MTR: variants seen among roughly 807,000 people sequenced by gnomAD.
MTR encodes the protein 5-methyltetrahydrofolate-homocysteine methyltransferase.
A neutral mutation model predicts 154.8 loss-of-function variants in MTR; 84 were observed. That is an observed-to-expected ratio of 0.54 (90% CI 0.45 to 0.65). MTR has a LOEUF of 0.65. Ranked by LOEUF, MTR falls within the 30% of genes least tolerant of loss-of-function variation. The pLI, the probability that MTR is intolerant of heterozygous loss-of-function variation, is 0.00. For synonymous variants in MTR, 554 were observed against 553.9 expected, an observed-to-expected ratio of 1.00 and a Z score of 0.00; for missense variants, 1,275 against 1,570.2, an observed-to-expected ratio of 0.81 and a Z score of 3.18.
At chr1:236,865,506 C>T (rs931285327) in intron 22 of MTR, among the ~76,000 whole-genome samples, 7 of 152,232 alleles carry the variant, frequency 4.6e-5, no homozygotes, top group Non-Finnish European at 1.0e-4. Context: ...TATCCTGTAT[C>T]TAATCCTTTT....
chr1:236,811,949 T>C (rs1661329656), intron 5 of MTR, among the ~76,000 whole-genome samples: 1 of 152,240 alleles, frequency 6.6e-6, no homozygotes, highest in African/African-American at 2.4e-5. Context: ...AGCATTATCT[T>C]GGCTTACTGC....
At chr1:236,844,029 A>G (rs1301850746) in intron 15 of MTR, among the ~76,000 whole-genome samples, 1 of 152,196 alleles carries the variant, frequency 6.6e-6, no homozygotes, top group African/African-American at 2.4e-5. Flanking sequence ...ATGACTGTAG[A>G]GAAGTCCTAG....
In MTR at chr1:236,795,422, G is replaced by C. The variant is rs754512965; in HGVS notation, c.-282G>C. The C allele has an allele frequency of 1.4e-6, 2 of 1,468,756 alleles. No individual in the cohort carries two copies. The highest frequency in any genetic ancestry group is 2.4e-5 in the South Asian group (2 of 82,596). The allele number at this position is 1,468,756 out of a possible 1,614,324, so 91.0% of individuals were successfully genotyped here. On this transcript the variant is annotated 5_prime_UTR_variant, in exon 1 of 33. Transcript: ENST00000366577. ...CCCGCGACTCCGCCTCTGGCCGCGC[G>C]TGTCTGGCTGCTAGGCCGACACCAA... is the stretch of plus-strand genomic sequence containing the variant.
At chr1:236,803,931 A>G (rs2103015129) in intron 2 of MTR, among the ~76,000 whole-genome samples, 1 of 152,346 alleles carries the variant, frequency 6.6e-6, no homozygotes, top group East Asian at 1.9e-4. Context: ...TGAGAAAACT[A>G]TCTTATTTAA....
At chr1:236,806,330 G>A (rs1291878421) in intron 3 of MTR, 97 bp downstream of exon 3, 1 of 940,248 alleles carries the variant, frequency 1.1e-6, no homozygotes, top group Admixed American at 1.8e-5. Flanking sequence ...GCAGAGTCAA[G>A]CTAATGCCTA....
Position 236,795,531 on chromosome 1 carries a change from G to C in MTR, c.-173G>C, listed in dbSNP as rs3738548. The stretch of plus-strand genomic sequence containing the variant: ...CGAGAGAGGCCCTAGGGCGCTGCGG[G>C]CTTTCGGGGTCCGCAGTCCCCCCGC... On this transcript the variant is annotated 5_prime_UTR_variant, in exon 1 of 33. Coordinates refer to ENST00000366577, the MANE Select transcript of MTR (RefSeq NM_000254.3). 8 of 1,530,538 alleles carry C rather than the reference G, an allele frequency of 5.2e-6. No individual in the cohort carries two copies. The highest frequency in any genetic ancestry group is 1.7e-4 in the Middle Eastern group (1 of 5,940). 94.8% of individuals were successfully genotyped at this position (1,530,538 alleles called of 1,614,324 possible). A position where few individuals can be genotyped will look rare whatever the true frequency, so the allele number is the denominator to read the frequency against.
chr1:236,886,466 C>T, intron 27 of MTR, 99 bp downstream of exon 27: 1 of 1,063,602 alleles, frequency 9.4e-7, no homozygotes, highest in Non-Finnish European at 1.4e-6. Flanking sequence ...AAACCAGCAG[C>T]TAACGACTCT....
At chr1:236,870,283 G>A (rs1195727980) in intron 22 of MTR, among the ~76,000 whole-genome samples, 1 of 152,180 alleles carries the variant, frequency 6.6e-6, no homozygotes, top group Non-Finnish European at 1.5e-5. Context: ...CAGGCCTCTG[G>A]CTCAGTGTTC....
At chr1:236,812,876 G>T (rs1188894312) in intron 6 of MTR, 32 bp downstream of exon 6, 2 of 1,568,124 alleles carry the variant, frequency 1.3e-6, no homozygotes, top group Non-Finnish European at 1.8e-6. Flanking sequence ...AGACAAGGCT[G>T]GGGTAAGGGC....
In MTR at chr1:236,832,883, C is replaced by T. The variant is rs193159189; in HGVS notation, c.1188+805C>T. On this transcript the variant is annotated intron_variant, in intron 13 of 32. Coordinates refer to ENST00000366577, the MANE Select transcript of MTR (RefSeq NM_000254.3). ...TGGAGGCGTGTCTTCCTTCCCAGTCCCTCAGCTGACACATTAGCAGGGCCT... is the reference window on the plus strand; with the variant it reads ...TGGAGGCGTGTCTTCCTTCCCAGTCTCTCAGCTGACACATTAGCAGGGCCT... 1.0e-3 allele frequency among the ~76,000 whole-genome samples: 155 copies of T among 152,260 alleles called. 1 individual carries two copies. The highest frequency in any genetic ancestry group is 3.2e-3 in the African/African-American group (135 of 41,556).
intron 11 of MTR, among the ~76,000 whole-genome samples, chr1:236,828,908 C>A (rs971126417): frequency 6.6e-6 from 1 of 151,946 alleles, no homozygotes; most frequent in African/African-American, 2.4e-5. Flanking sequence ...TGCAAACTGT[C>A]ATATAGCTCC....
At chr1:236,858,152 C>T (rs954284052) in intron 18 of MTR, among the ~76,000 whole-genome samples, 3 of 152,026 alleles carry the variant, frequency 2.0e-5, no homozygotes, top group Non-Finnish European at 4.4e-5. Context: ...AAGACATACC[C>T]GAGACTGGGT....
rs764288740 is a variant in MTR at position 236,850,511 on chromosome 1, A to G, written c.1683A>G (p.Thr561=). The G allele has an allele frequency of 1.2e-6, 2 of 1,613,650 alleles. No homozygotes were observed. The highest frequency in any genetic ancestry group is 3.3e-5 in the Admixed American group (2 of 60,004). Residue 561 remains threonine, a synonymous_variant, in exon 16 of 33, where the codon ACA becomes ACG. Transcript: ENST00000366577. ...ATGCCATTAATTTTATCCATGCAACAAAAGTCATTAAAGTAAGTGTAGGCA... is the reference window on the plus strand; with the variant it reads ...ATGCCATTAATTTTATCCATGCAACGAAAGTCATTAAAGTAAGTGTAGGCA... ...NLYAINFIHA[T]KVIKETLPGA...
At chr1:236,884,820 C>T (rs1162348826) in intron 25 of MTR, among the ~76,000 whole-genome samples, 1 of 152,110 alleles carries the variant, frequency 6.6e-6, no homozygotes. Context: ...AACGATGTGA[C>T]GTGGCCCAGG....
intron 13 of MTR, among the ~76,000 whole-genome samples, chr1:236,834,219 AC>A (rs1454060947): frequency 1.3e-5 from 2 of 152,160 alleles, no homozygotes; most frequent in Non-Finnish European, 2.9e-5. Flanking sequence ...TTGCTCTGTC[AC>A]CCAGGCTGGA....
intron 27 of MTR, among the ~76,000 whole-genome samples, chr1:236,887,696 C>G (rs1558340751): frequency 6.6e-6 from 1 of 152,352 alleles, no homozygotes; most frequent in East Asian, 1.9e-4. Context: ...GCCCTGCTGC[C>G]CCAGGGCCAT....
Position 236,895,467 on chromosome 1 carries a change from G to T in MTR, c.3515G>T (p.Arg1172Leu). 1 of 1,597,908 alleles carries T rather than the reference G, an allele frequency of 6.3e-7. No individual in the cohort carries two copies. Among genetic ancestry groups the T allele is most frequent in the Non-Finnish European group, 8.5e-7 (1 of 1,171,828 alleles). ...DLRRLRYKGI[R>L]PAPGYPSQPD... The stretch of plus-strand genomic sequence containing the variant: ...CGCAGGCTGCGGTACAAGGGCATCC[G>T]CCCGGCTCCTGGCTACCCCAGCCAG... The change falls in exon 31 of 33, where the codon CGC (arginine) becomes CTC (leucine). Residue 1172 changes from arginine to leucine, a missense_variant. Physicochemically the swap from Arg to Leu is moderately radical, Grantham distance 102. Transcript: ENST00000366577.
rs533162678 is a variant in MTR at position 236,862,763 on chromosome 1, T to C, written c.2304+420T>C. On this transcript the variant is annotated intron_variant, in intron 21 of 32. Transcript: ENST00000366577. ...CTGAATAGTCTTTCTGCTGGTGATG[T>C]CCTTGGCACCACTTCTGGATTCAAT... Among the ~76,000 whole-genome samples, 7 of 152,314 alleles carry C rather than the reference T, an allele frequency of 4.6e-5. No individual in the cohort carries two copies. The South Asian group carries it at 1.0e-3, about 23-fold the overall frequency.
At chr1:236,877,896 C>T (rs1665518842) in intron 24 of MTR, among the ~76,000 whole-genome samples, 1 of 152,192 alleles carries the variant, frequency 6.6e-6, no homozygotes, top group Non-Finnish European at 1.5e-5. Context: ...TATCCCTTGT[C>T]ATGGGTGTAG....
Sources: gnomAD v4.1 joint callset for allele counts (sites outside exome capture counted in the v4.1 genomes callset) on GRCh38, gnomAD v4.1.1 for gene constraint, MANE v1.5 for transcripts, NCBI Gene and HGNC (gene_info 2026-07-23, HGNC 2026-07-21) for gene names.